The following CCDC85A variants were observed in gnomAD, a reference collection of about 807,000 sequenced individuals.
CCDC85A encodes the protein coiled-coil domain-containing protein 85A.
Under a neutral mutation model 50.2 loss-of-function variants are expected in CCDC85A, and 38 were observed. The ratio of observed to expected loss-of-function variants is 0.76; its 90% CI spans 0.58 to 0.99. The LOEUF is 0.99. CCDC85A is among the 50% of genes least tolerant of loss of function. The pLI, the probability that CCDC85A is intolerant of heterozygous loss-of-function variation, is 0.00. For missense variants in CCDC85A, 820 were observed against 742.0 expected (o/e 1.11, Z -1.22); for synonymous variants, 366 against 301.4 (o/e 1.21, Z -2.22).
At chr2:56,290,109 C>T (rs1671634496) in intron 2 of CCDC85A, among the ~76,000 whole-genome samples, 1 of 152,108 alleles carries the variant, frequency 6.6e-6, no homozygotes, top group African/African-American at 2.4e-5. Context: ...CTATAATTCT[C>T]TTCTTTTATT....
At chr2:56,278,925 T>C (rs1163930722) in intron 2 of CCDC85A, among the ~76,000 whole-genome samples, 1 of 152,196 alleles carries the variant, frequency 6.6e-6, no homozygotes, top group Non-Finnish European at 1.5e-5. Flanking sequence ...TCTCCTTTAG[T>C]GTGTGTGTTA....
chr2:56,355,067 A>G (rs1019051702), intron 3 of CCDC85A, among the ~76,000 whole-genome samples: 1 of 152,172 alleles, frequency 6.6e-6, no homozygotes, highest in Non-Finnish European at 1.5e-5. Context: ...TACTGTCTTA[A>G]GTCTAGTCCT....
Position 56,384,508 on chromosome 2 carries a change from A to C in CCDC85A, c.*153A>C, listed in dbSNP as rs1676740646. On this transcript the variant is annotated 3_prime_UTR_variant, in exon 6 of 6. Transcript: ENST00000407595. Reference sequence around the variant, plus strand: ...ATATCTCCCCTCTAAAACCTGTAGTACAACTTCTCCCCTCAAGCTGATATT... The same window carrying C: ...ATATCTCCCCTCTAAAACCTGTAGTCCAACTTCTCCCCTCAAGCTGATATT... The C allele has an allele frequency of 1.7e-6, 1 of 604,220 alleles. No individual in the cohort carries two copies. Among genetic ancestry groups the C allele is most frequent in the Non-Finnish European group, 2.9e-6 (1 of 342,328 alleles). The allele number at this position is 604,220 out of a possible 1,614,324, so 37.4% of individuals were successfully genotyped here. A position where few individuals can be genotyped will look rare whatever the true frequency, so the allele number is the denominator to read the frequency against.
At chr2:56,325,785 A>G (rs1673436493) in intron 2 of CCDC85A, among the ~76,000 whole-genome samples, 2 of 152,116 alleles carry the variant, frequency 1.3e-5, no homozygotes, top group South Asian at 2.1e-4. Context: ...TGTGAGTGGC[A>G]TCTGTATTTC....
intron 2 of CCDC85A, among the ~76,000 whole-genome samples, chr2:56,239,054 C>T (rs1389024423): frequency 3.3e-5 from 5 of 151,968 alleles, no homozygotes; most frequent in Non-Finnish European, 7.4e-5. Flanking sequence ...TGCAAAGAAG[C>T]TTGAAAAGAG....
In CCDC85A at chr2:56,193,285, T is replaced by G. The variant is rs369981743; in HGVS notation, c.1085T>G (p.Leu362Arg). 3.1e-6 allele frequency: 5 copies of G among 1,613,538 alleles called. No individual in the cohort carries two copies. In the African/African-American group the frequency reaches 6.7e-5, roughly 22 times the overall value. ...PRARGTSPEH[L>R]KQHYGGSPDH... Reference sequence around the variant, plus strand: ...GCCAGGGGCACCAGCCCGGAGCACCTCAAACAACATTATGGAGGGAGCCCT... The same window carrying G: ...GCCAGGGGCACCAGCCCGGAGCACCGCAAACAACATTATGGAGGGAGCCCT... Residue 362 changes from leucine (L) to arginine (R), a missense_variant, in exon 2 of 6, where the codon CTC (leucine) becomes CGC (arginine). Physicochemically the swap from Leu to Arg is moderately radical, Grantham distance 102. Coordinates refer to ENST00000407595, the MANE Select transcript of CCDC85A (RefSeq NM_001080433.2).
In CCDC85A at chr2:56,184,648, G is replaced by T; in HGVS notation, c.24G>T (p.Ala8=). 6.9e-7 allele frequency: 1 copy of T among 1,439,196 alleles called. No homozygotes were observed. The highest frequency in any genetic ancestry group is 9.0e-7 in the Non-Finnish European group (1 of 1,109,340). 89.2% of individuals were successfully genotyped at this position (1,439,196 alleles called of 1,614,324 possible). ...CCATGTCGAAGGCGGCCGGAGGCGC[G>T]GCGGCGGCTGCGGCGGCGGCGGAAA... is the stretch of plus-strand genomic sequence containing the variant. MSKAAGG[A]AAAAAAAESC... Residue 8 remains alanine, a synonymous_variant, in exon 1 of 6, where the codon GCG becomes GCT. Transcript: ENST00000407595.
At chr2:56,228,169 C>G (rs989417069) in intron 2 of CCDC85A, among the ~76,000 whole-genome samples, 2 of 152,186 alleles carry the variant, frequency 1.3e-5, no homozygotes, top group African/African-American at 4.8e-5. Context: ...ATGTCACCTA[C>G]AAGCTCTGTG....
At chr2:56,341,650 G>T (rs1305043927) in intron 2 of CCDC85A, among the ~76,000 whole-genome samples, 1 of 152,138 alleles carries the variant, frequency 6.6e-6, no homozygotes, top group Non-Finnish European at 1.5e-5. Context: ...CCCTTTTCCT[G>T]ACATAAAGCC....
At chr2:56,334,031 T>A (rs1673954762) in intron 2 of CCDC85A, among the ~76,000 whole-genome samples, 1 of 152,194 alleles carries the variant, frequency 6.6e-6, no homozygotes, top group Admixed American at 6.5e-5. Flanking sequence ...GATCTTTGCA[T>A]AGTTGGCTTT....
chr2:56,185,029 C>A (rs1034974523), intron 1 of CCDC85A, 129 bp downstream of exon 1: 2 of 1,169,640 alleles, frequency 1.7e-6, no homozygotes, highest in Non-Finnish European at 2.3e-6. Context: ...GTCGGCACCC[C>A]CTACCCCCAG....
intron 2 of CCDC85A, among the ~76,000 whole-genome samples, chr2:56,341,948 TAAAG>T: frequency 6.6e-6 from 1 of 151,736 alleles, no homozygotes; most frequent in East Asian, 1.9e-4. Context: ...TTGGGAGAAA[TAAAG>T]AGAACTGGAT....
intron 2 of CCDC85A, among the ~76,000 whole-genome samples, chr2:56,281,095 G>A (rs1450125828): frequency 6.6e-6 from 1 of 152,146 alleles, no homozygotes; most frequent in East Asian, 1.9e-4. Context: ...CCCTCTTACA[G>A]TGAATCTCTA....
chr2:56,208,274 C>A (rs1677034415), intron 2 of CCDC85A, among the ~76,000 whole-genome samples: 1 of 152,140 alleles, frequency 6.6e-6, no homozygotes, highest in Non-Finnish European at 1.5e-5. Flanking sequence ...TACCAAATTT[C>A]ATTAGCCCAG....
chr2:56,245,563 G>C (rs1669464124), intron 2 of CCDC85A, among the ~76,000 whole-genome samples: 1 of 152,206 alleles, frequency 6.6e-6, no homozygotes, highest in South Asian at 2.1e-4. Context: ...TTTTTGCATA[G>C]ATAGTTGTCA....
chr2:56,301,814 G>A (rs1672218451), intron 2 of CCDC85A, among the ~76,000 whole-genome samples: 1 of 152,136 alleles, frequency 6.6e-6, no homozygotes. Context: ...GTTGGGGGTG[G>A]GAGCAAGGGG....
intron 2 of CCDC85A, among the ~76,000 whole-genome samples, chr2:56,229,645 T>C (rs1668695694): frequency 6.6e-6 from 1 of 152,148 alleles, no homozygotes; most frequent in South Asian, 2.1e-4. Context: ...TAGGTGGCCA[T>C]AATTTTTTTT....
At chr2:56,286,844 G>A (rs1671467307) in intron 2 of CCDC85A, among the ~76,000 whole-genome samples, 2 of 152,168 alleles carry the variant, frequency 1.3e-5, no homozygotes, top group East Asian at 3.8e-4. Flanking sequence ...TCTTTGAAAG[G>A]AAATTGAATT....
At chr2:56,310,734 A>G (rs1672651400) in intron 2 of CCDC85A, among the ~76,000 whole-genome samples, 1 of 152,170 alleles carries the variant, frequency 6.6e-6, no homozygotes, top group Non-Finnish European at 1.5e-5. Context: ...ATTGCTAAGA[A>G]AAAAAAGCAC....
Sources: allele counts gnomAD v4.1 joint callset (sites outside exome capture counted in the v4.1 genomes callset), GRCh38; gene constraint gnomAD v4.1.1; transcripts MANE v1.5; gene names NCBI Gene and HGNC (gene_info 2026-07-23, HGNC 2026-07-21).